The following TEAD1 variants were observed in gnomAD, a reference collection of about 807,000 sequenced individuals.
The protein encoded by TEAD1 is TEA domain transcription factor 1.
A neutral mutation model predicts 54.9 loss-of-function variants in TEAD1; 9 were observed. The ratio of observed to expected loss-of-function variants is 0.16; its 90% CI spans 0.10 to 0.29. The LOEUF (loss-of-function observed/expected upper bound fraction) is 0.29. TEAD1 is among the 10% of genes least tolerant of loss of function. The probability of loss-of-function intolerance (pLI) is 1.00; values close to 1 mark genes in which losing one functional copy is unlikely to be tolerated. For missense variants in TEAD1, 387 were observed against 535.9 expected (o/e 0.72, Z 2.74); for synonymous variants, 200 against 187.8 (o/e 1.07, Z -0.53).
chr11:12,919,802 A>G (rs1041180547), intron 10 of TEAD1, among the ~76,000 whole-genome samples: 11 of 152,200 alleles, frequency 7.2e-5, no homozygotes, highest in Non-Finnish European at 1.0e-4. Context: ...TTTATTTTTT[A>G]TATATGTATG....
At chr11:12,847,543 A>T (rs999653822) in intron 3 of TEAD1, among the ~76,000 whole-genome samples, 20 of 152,140 alleles carry the variant, frequency 1.3e-4, no homozygotes, top group African/African-American at 4.8e-4. Flanking sequence ...AGCACCCAAC[A>T]TGACAGGAAT....
chr11:12,855,148 A>G (rs906834872), intron 3 of TEAD1, among the ~76,000 whole-genome samples: 2 of 152,202 alleles, frequency 1.3e-5, no homozygotes, highest in African/African-American at 4.8e-5. Context: ...CTAGATCTTC[A>G]GGAAGATGGA....
rs181903791 is a variant in TEAD1 at position 12,842,216 on chromosome 11, G to A, written c.203-20034G>A. ...AGGGGGCTCTTAGCTCCCTTTAAAAGTGTTCTCCAAATCTCTGCAGCAAGA... is the reference window on the plus strand; with the variant it reads ...AGGGGGCTCTTAGCTCCCTTTAAAAATGTTCTCCAAATCTCTGCAGCAAGA... On this transcript the variant is annotated intron_variant, in intron 3 of 12. Coordinates refer to ENST00000527636, the MANE Select transcript of TEAD1 (RefSeq NM_021961.6). Among the ~76,000 whole-genome samples, 136 of 152,254 alleles carry A rather than the reference G, an allele frequency of 8.9e-4. 2 individuals are homozygous for A. The highest frequency in any genetic ancestry group is 1.1e-3 in the Non-Finnish European group (75 of 68,032).
intron 2 of TEAD1, among the ~76,000 whole-genome samples, chr11:12,742,061 A>C (rs189898006): frequency 6.6e-6 from 1 of 152,352 alleles, no homozygotes; most frequent in Admixed American, 6.5e-5. Flanking sequence ...AGAGGTTGGA[A>C]TGCACCTTTC....
At chr11:12,723,741 T>C (rs1345135427) in intron 2 of TEAD1, among the ~76,000 whole-genome samples, 1 of 152,216 alleles carries the variant, frequency 6.6e-6, no homozygotes, top group African/African-American at 2.4e-5. Context: ...GCCTAAATTA[T>C]GTAGTACAGA....
intron 2 of TEAD1, among the ~76,000 whole-genome samples, chr11:12,680,966 TG>T (rs1943208823): frequency 6.6e-6 from 1 of 152,190 alleles, no homozygotes; most frequent in African/African-American, 2.4e-5. Context: ...CACCCATTAC[TG>T]TGGCTGGGGG....
At chr11:12,682,552 C>T (rs139497705) in intron 2 of TEAD1, among the ~76,000 whole-genome samples, 85 of 152,222 alleles carry the variant, frequency 5.6e-4, no homozygotes, top group South Asian at 1.7e-3. Context: ...GTAATCCTGA[C>T]GGCTTTCTGG....
intron 3 of TEAD1, among the ~76,000 whole-genome samples, chr11:12,848,475 T>C (rs1243146728): frequency 6.6e-6 from 1 of 152,202 alleles, no homozygotes; most frequent in Non-Finnish European, 1.5e-5. Flanking sequence ...GTTGGTCTAA[T>C]GTTAAGGATT....
At chr11:12,902,427 C>T (rs904646334) in intron 10 of TEAD1, among the ~76,000 whole-genome samples, 2 of 152,230 alleles carry the variant, frequency 1.3e-5, no homozygotes, top group Admixed American at 6.5e-5. Flanking sequence ...ATTTTGTAAG[C>T]ATCAGAGAGG....
chr11:12,873,884 C>T (rs978458560), intron 5 of TEAD1, among the ~76,000 whole-genome samples: 1 of 152,192 alleles, frequency 6.6e-6, no homozygotes, highest in Non-Finnish European at 1.5e-5. Flanking sequence ...TGTGTTTTGT[C>T]TTTTTCTGAA....
At chr11:12,797,191 TCTTAA>T (rs1227985976) in intron 3 of TEAD1, among the ~76,000 whole-genome samples, 1 of 152,216 alleles carries the variant, frequency 6.6e-6, no homozygotes, top group Non-Finnish European at 1.5e-5. Flanking sequence ...GATGGTGACC[TCTTAA>T]CTTTTAATTC....
At chr11:12,884,625 T>TCATG (rs1315374481) in intron 9 of TEAD1, among the ~76,000 whole-genome samples, 2 of 152,072 alleles carry the variant, frequency 1.3e-5, no homozygotes, top group African/African-American at 4.8e-5. Context: ...TGTCCACAAA[T>TCATG]CATGAACTTT....
At chr11:12,776,525 A>C (rs1267903496) in intron 3 of TEAD1, among the ~76,000 whole-genome samples, 3 of 152,044 alleles carry the variant, frequency 2.0e-5, no homozygotes, top group Non-Finnish European at 4.4e-5. Flanking sequence ...AGGTGGGTAG[A>C]TTTTAGAGAA....
chr11:12,801,357 T>C (rs1946057280), intron 3 of TEAD1, among the ~76,000 whole-genome samples: 1 of 152,164 alleles, frequency 6.6e-6, no homozygotes, highest in Non-Finnish European at 1.5e-5. Context: ...CCCTTTTCTC[T>C]CTTCATGAGC....
rs188931085 is a variant in TEAD1, at chr11:12,853,586, C to G, written c.203-8664C>G. On this transcript the variant is annotated intron_variant, in intron 3 of 12. Coordinates refer to ENST00000527636, the MANE Select transcript of TEAD1 (RefSeq NM_021961.6). ...AGAGAATGAGCCACTAAGAAAACTT[C>G]ATTCATATTTCTTTTTCATCTAGAA... Among the ~76,000 whole-genome samples, 75 of 152,252 alleles carry G rather than the reference C, an allele frequency of 4.9e-4. 1 individual carries two copies. The highest frequency in any genetic ancestry group is 3.5e-3 in the Admixed American group (54 of 15,280).
At chr11:12,784,269 C>T (rs1530185) in intron 3 of TEAD1, among the ~76,000 whole-genome samples, 6,217 of 152,120 alleles carry the variant, frequency 0.041, 442 homozygotes, top group African/African-American at 0.14. Context: ...GCAGGGGAGA[C>T]AAGTTGTAAG....
intron 9 of TEAD1, among the ~76,000 whole-genome samples, chr11:12,888,678 A>C (rs942037463): frequency 2.6e-5 from 4 of 152,176 alleles, no homozygotes; most frequent in African/African-American, 9.7e-5. Flanking sequence ...TCACAACCCC[A>C]CCACTCCTAG....
chr11:12,775,051 T>TA (rs903171970), intron 3 of TEAD1, among the ~76,000 whole-genome samples: 1 of 152,184 alleles, frequency 6.6e-6, no homozygotes, highest in Admixed American at 6.5e-5. Context: ...TATCATATTT[T>TA]AAAAAAGTAA....
At chr11:12,799,604 T>C (rs1262887678) in intron 3 of TEAD1, among the ~76,000 whole-genome samples, 1 of 152,232 alleles carries the variant, frequency 6.6e-6, no homozygotes, top group Admixed American at 6.5e-5. Context: ...AGTCCAGCAA[T>C]GCTGGTAAGA....
Sources: gnomAD v4.1 joint callset for allele counts (sites outside exome capture counted in the v4.1 genomes callset) on GRCh38, gnomAD v4.1.1 for gene constraint, MANE v1.5 for transcripts, NCBI Gene and HGNC (gene_info 2026-07-23, HGNC 2026-07-21) for gene names.